The following MAPRE2 variants were observed in gnomAD, a reference collection of about 807,000 sequenced individuals.
MAPRE2 encodes microtubule associated protein RP/EB family member 2, also known as microtubule-associated protein RP/EB family member 2.
In MAPRE2, 13 loss-of-function variants were observed where a neutral mutation model predicts 43.2. That is an observed-to-expected ratio of 0.30 (90% CI 0.20 to 0.48). The LOEUF (loss-of-function observed/expected upper bound fraction) is 0.48, where lower values mean the gene tolerates loss of function less well. Among genes scored for constraint, MAPRE2 ranks in the 20% least tolerant of loss-of-function variants. The pLI, the probability that MAPRE2 is intolerant of heterozygous loss-of-function variation, is 0.99. For synonymous variants in MAPRE2, 135 were observed against 148.8 expected (o/e 0.91, Z 0.68); for missense variants, 161 against 400.2 (o/e 0.40, Z 5.10).
At chr18:35,047,853 A>T (rs1336487743) in intron 1 of MAPRE2, among the ~76,000 whole-genome samples, 1 of 152,210 alleles carries the variant, frequency 6.6e-6, no homozygotes, top group African/African-American at 2.4e-5. Flanking sequence ...TGATAAATAC[A>T]TGAAATGATC....
At chr18:35,089,309 G>C (rs1258897313) in intron 2 of MAPRE2, among the ~76,000 whole-genome samples, 1 of 152,064 alleles carries the variant, frequency 6.6e-6, no homozygotes, top group Non-Finnish European at 1.5e-5. Flanking sequence ...AGCTAAATTG[G>C]ATTTTATTGA....
In MAPRE2 at chr18:35,141,296, G is replaced by T. The variant is rs1446721246; in HGVS notation, c.*927G>T. On this transcript the variant is annotated 3_prime_UTR_variant, in exon 7 of 7. Coordinates refer to ENST00000300249, the MANE Select transcript of MAPRE2 (RefSeq NM_014268.4). Reference sequence around the variant, plus strand: ...CACAAAACTGTCATTCACTCTAGGGGACCCCTACTAAAGGGTAACTTCAGG... The same window carrying T: ...CACAAAACTGTCATTCACTCTAGGGTACCCCTACTAAAGGGTAACTTCAGG... 6.6e-6 allele frequency: 1 copy of T among 152,204 alleles called. No individual in the cohort carries two copies. The highest frequency in any genetic ancestry group is 2.4e-5 in the African/African-American group (1 of 41,418). The allele number at this position is 152,204 out of a possible 1,614,324, so 9.4% of individuals were successfully genotyped here.
chr18:35,075,741 GAGA>G (rs1907318466), intron 2 of MAPRE2, among the ~76,000 whole-genome samples: 1 of 151,838 alleles, frequency 6.6e-6, no homozygotes, highest in Admixed American at 6.6e-5. Context: ...CAACTAATTG[GAGA>G]AGAAGGGGAC....
intron 2 of MAPRE2, among the ~76,000 whole-genome samples, chr18:35,015,755 A>G (rs746001422): frequency 1.3e-5 from 2 of 151,840 alleles, no homozygotes; most frequent in Non-Finnish European, 2.9e-5. Flanking sequence ...AAAATTCAGA[A>G]CAAACCCCAA....
intron 2 of MAPRE2, among the ~76,000 whole-genome samples, chr18:35,084,785 A>G (rs1237287216): frequency 6.6e-6 from 1 of 152,220 alleles, no homozygotes; most frequent in Non-Finnish European, 1.5e-5. Context: ...AGCTTCTGAC[A>G]ATGTCAGGTA....
At position 35,143,076 on chromosome 18, in the gene MAPRE2, A is replaced by AG. The variant is rs1414599276; in HGVS notation, c.*2707_*2708insG. 6.6e-6 allele frequency: 1 copy of AG among 151,406 alleles called. No homozygotes were observed. The highest frequency in any genetic ancestry group is 6.6e-5 in the Admixed American group (1 of 15,208). The allele number at this position is 151,406 out of a possible 1,614,324, so 9.4% of individuals were successfully genotyped here. On this transcript the variant is annotated 3_prime_UTR_variant, in exon 7 of 7. Transcript: ENST00000300249. ...TGTTCTAAGCAGAAAAGCAGGAAAA[A>AG]AAAAAAAAAAAAAGAAAGAAAAACA...
Position 35,041,443 on chromosome 18 carries a change from A to ACGGTC in MAPRE2, c.-94_-90dup. 1 of 1,596,592 alleles carries ACGGTC rather than the reference A, an allele frequency of 6.3e-7. No homozygotes were observed. Among genetic ancestry groups the ACGGTC allele is most frequent in the Non-Finnish European group, 8.5e-7 (1 of 1,171,242 alleles). Reference sequence around the variant, plus strand: ...GGCAGTGAGCGAGCAGGCGGCAGGCACGGTCCGTGCGGAGCAGGCGAGCGA... The same window carrying ACGGTC: ...GGCAGTGAGCGAGCAGGCGGCAGGCACGGTCCGGTCCGTGCGGAGCAGGCGAGCGA... On this transcript the variant is annotated 5_prime_UTR_variant, in exon 1 of 7. Transcript: ENST00000300249.
rs1464001009 is a variant in MAPRE2 at position 34,985,350 on chromosome 18, T to C, written c.-70+8271T>C. ...TAATATAATATATAATATATTATAT[T>C]ATATATATAATATAATATATAATAT... On this transcript the variant is annotated intron_variant, in intron 1 of 7. Transcript: ENST00000413393. Among the ~76,000 whole-genome samples the C allele has an allele frequency of 7.8e-4, 31 of 39,934 alleles. No individual in the cohort carries two copies. The East Asian group carries it at 0.035, about 45-fold the overall frequency. 26.2% of individuals were successfully genotyped at this position (39,934 alleles called of 152,430 possible). A position where few individuals can be genotyped will look rare whatever the true frequency, so the allele number is the denominator to read the frequency against.
chr18:35,082,513 C>T (rs1034102446), intron 2 of MAPRE2, among the ~76,000 whole-genome samples: 1 of 152,044 alleles, frequency 6.6e-6, no homozygotes, highest in Admixed American at 6.6e-5. Context: ...TTTCCTCAAA[C>T]GCACGTTTCA....
chr18:34,985,261 ATATAT>A (rs1408493441), intron 1 of MAPRE2, among the ~76,000 whole-genome samples: 1 of 49,630 alleles, frequency 2.0e-5, no homozygotes, highest in African/African-American at 8.1e-5. Context: ...ATATAATATA[ATATAT>A]TATATAATAT....
At chr18:34,992,908 T>A (rs1288566307) in intron 1 of MAPRE2, among the ~76,000 whole-genome samples, 1 of 152,178 alleles carries the variant, frequency 6.6e-6, no homozygotes, top group African/African-American at 2.4e-5. Flanking sequence ...TGTTGGGTTG[T>A]CTCTCCCTCA....
intron 2 of MAPRE2, among the ~76,000 whole-genome samples, chr18:35,011,674 G>C (rs758483890): frequency 2.6e-5 from 4 of 152,160 alleles, no homozygotes; most frequent in Non-Finnish European, 4.4e-5. Context: ...TTAGCATCTG[G>C]CTATAGTGGT....
intron 6 of MAPRE2, among the ~76,000 whole-genome samples, chr18:35,133,625 C>T (rs527394085): frequency 2.6e-5 from 4 of 152,328 alleles, no homozygotes; most frequent in African/African-American, 7.2e-5. Context: ...ATAAGGCCGG[C>T]GTGCAGGATC....
chr18:35,000,538 C>T (rs1019948291), intron 1 of MAPRE2, among the ~76,000 whole-genome samples: 12 of 152,182 alleles, frequency 7.9e-5, no homozygotes, highest in African/African-American at 2.9e-4. Flanking sequence ...ACATGGGATG[C>T]TGGAATTCTG....
At chr18:34,984,787 AGT>A (rs1491183327) in intron 1 of MAPRE2, among the ~76,000 whole-genome samples, 102 of 30,200 alleles carry the variant, frequency 3.4e-3, no homozygotes, top group African/African-American at 9.9e-3. Context: ...ATTAATATAT[AGT>A]TATATATTAT....
chr18:35,103,747 G>C (rs1908781893), intron 4 of MAPRE2, among the ~76,000 whole-genome samples: 1 of 152,140 alleles, frequency 6.6e-6, no homozygotes, highest in African/African-American at 2.4e-5. Flanking sequence ...ACTAGGAAGT[G>C]ATGTGTCAGG....
chr18:35,119,916 T>C (rs1455037561), intron 4 of MAPRE2, among the ~76,000 whole-genome samples: 1 of 152,234 alleles, frequency 6.6e-6, no homozygotes, highest in African/African-American at 2.4e-5. Context: ...GAATCAGGTC[T>C]TATTTGCTGA....
intron 1 of MAPRE2, among the ~76,000 whole-genome samples, chr18:34,984,701 C>T (rs920307756): frequency 4.1e-4 from 60 of 145,858 alleles, no homozygotes; most frequent in African/African-American, 1.4e-3. Context: ...AAATTAACTG[C>T]CCTCCTTTAT....
At chr18:34,982,134 C>T (rs1367574410) in intron 1 of MAPRE2, among the ~76,000 whole-genome samples, 4 of 152,060 alleles carry the variant, frequency 2.6e-5, no homozygotes, top group Non-Finnish European at 5.9e-5. Flanking sequence ...CCGCCCACCT[C>T]GGCCTCCCAG....
Sources: allele counts gnomAD v4.1 joint callset (sites outside exome capture counted in the v4.1 genomes callset), GRCh38; gene constraint gnomAD v4.1.1; transcripts MANE v1.5; gene names NCBI Gene and HGNC (gene_info 2026-07-23, HGNC 2026-07-21).